The following STXBP5 variants were observed in gnomAD, a reference collection of about 807,000 sequenced individuals.
STXBP5 encodes the protein syntaxin binding protein 5, also known as syntaxin-binding protein 5.
STXBP5 carries 50 observed loss-of-function variants against 152.4 expected under a neutral mutation model. That is an observed-to-expected ratio of 0.33 (90% confidence interval 0.26 to 0.42). The LOEUF is 0.42. Among genes scored for constraint, STXBP5 ranks in the 10% least tolerant of loss-of-function variants. The pLI is 1.00. For synonymous variants in STXBP5, 492 were observed against 494.7 expected (o/e 0.99, Z 0.07); for missense variants, 1,167 against 1,388.6 (o/e 0.84, Z 2.54).
chr6:147,260,477 C>T (rs1410943209), intron 4 of STXBP5, 138 bp from the exon 5 acceptor site: 1 of 936,136 alleles, frequency 1.1e-6, no homozygotes. Context: ...AAATATTAGT[C>T]ACAATGAATA....
chr6:147,269,493 A>G (rs554858159), intron 7 of STXBP5, among the ~76,000 whole-genome samples: 4 of 152,336 alleles, frequency 2.6e-5, no homozygotes, highest in Non-Finnish European at 2.9e-5. Context: ...GAAGTATGCA[A>G]AAAGCCAGGA....
intron 4 of STXBP5, among the ~76,000 whole-genome samples, chr6:147,258,336 G>T (rs1172964118): frequency 1.3e-5 from 2 of 152,118 alleles, no homozygotes; most frequent in African/African-American, 4.8e-5. Context: ...ATTTCTTGTG[G>T]ATTACTTTCT....
intron 26 of STXBP5, among the ~76,000 whole-genome samples, chr6:147,381,090 C>T (rs1232232435): frequency 6.6e-6 from 1 of 152,092 alleles, no homozygotes; most frequent in East Asian, 1.9e-4. Context: ...GACTTACTCT[C>T]ATGAGAACAG....
At chr6:147,254,677 A>G (rs1415083641) in intron 4 of STXBP5, among the ~76,000 whole-genome samples, 1 of 152,250 alleles carries the variant, frequency 6.6e-6, no homozygotes, top group Non-Finnish European at 1.5e-5. Flanking sequence ...GACACTTCTC[A>G]AATGAAGACA....
chr6:147,344,650 T>C (rs1375304765), intron 21 of STXBP5, among the ~76,000 whole-genome samples: 2 of 152,210 alleles, frequency 1.3e-5, no homozygotes, highest in African/African-American at 4.8e-5. Context: ...CTTCTTCTTA[T>C]AAGAACCAAT....
chr6:147,366,013 AAAG>A (rs1415010712), intron 25 of STXBP5, among the ~76,000 whole-genome samples: 1 of 152,214 alleles, frequency 6.6e-6, no homozygotes, highest in African/African-American at 2.4e-5. Flanking sequence ...GATAGGAATC[AAAG>A]AAGGTGTCCC....
In STXBP5 at chr6:147,298,748, C is replaced by T. The variant is rs78353864; in HGVS notation, c.917+7576C>T. Among the ~76,000 whole-genome samples, 1,326 of 151,920 alleles carry T rather than the reference C, an allele frequency of 8.7e-3. 16 individuals are homozygous for T. Among genetic ancestry groups the T allele is most frequent in the African/African-American group, 0.028 (1,152 of 41,466 alleles). On this transcript the variant is annotated intron_variant, in intron 9 of 27. Transcript: ENST00000321680. ...TGAATAGCCAATGAGTCAATAAAGA[C>T]GTTGAAAATGGAAAATAAATGATTC...
intron 19 of STXBP5, among the ~76,000 whole-genome samples, chr6:147,337,859 T>C (rs1343763183): frequency 6.6e-6 from 1 of 152,032 alleles, no homozygotes; most frequent in African/African-American, 2.4e-5. Context: ...AGAAATAACA[T>C]GGACTTTAAA....
chr6:147,213,512 A>G (rs1031298004), intron 2 of STXBP5, among the ~76,000 whole-genome samples: 3 of 122,596 alleles, frequency 2.4e-5, no homozygotes, highest in African/African-American at 9.4e-5. Flanking sequence ...TTTTTCTTTT[A>G]TTTTTTTCTT....
chr6:147,254,614 C>T (rs1320101014), intron 4 of STXBP5, among the ~76,000 whole-genome samples: 2 of 152,144 alleles, frequency 1.3e-5, no homozygotes, highest in East Asian at 1.9e-4. Flanking sequence ...ACAACCCCAT[C>T]AAAAAGTGGG....
intron 4 of STXBP5, among the ~76,000 whole-genome samples, chr6:147,258,804 T>TATAA (rs1458578485): frequency 6.6e-6 from 1 of 152,086 alleles, no homozygotes; most frequent in Admixed American, 6.5e-5. Context: ...AAATGTATTA[T>TATAA]ATAAAATCTT....
At chr6:147,305,009 T>TC (rs1302939442) in intron 9 of STXBP5, among the ~76,000 whole-genome samples, 1 of 151,514 alleles carries the variant, frequency 6.6e-6, no homozygotes, top group East Asian at 1.9e-4. Flanking sequence ...ATCCTCACAT[T>TC]CCCCCCACAA....
intron 2 of STXBP5, among the ~76,000 whole-genome samples, chr6:147,209,380 A>AT (rs983508742): frequency 3.3e-5 from 5 of 152,216 alleles, no homozygotes; most frequent in Admixed American, 1.3e-4. Context: ...TTACAAAGTG[A>AT]TTTTTTTACC....
intron 2 of STXBP5, among the ~76,000 whole-genome samples, chr6:147,213,844 G>C (rs1285521026): frequency 6.6e-6 from 1 of 152,060 alleles, no homozygotes; most frequent in Non-Finnish European, 1.5e-5. Flanking sequence ...TTGATATAAA[G>C]AAAAGGGCAT....
At chr6:147,302,037 T>A (rs1259991143) in intron 9 of STXBP5, among the ~76,000 whole-genome samples, 2 of 152,226 alleles carry the variant, frequency 1.3e-5, no homozygotes, top group African/African-American at 2.4e-5. Context: ...TGTGTAAGTA[T>A]ATGCCCAAGA....
At chr6:147,213,434 ATGTGTGTG>A (rs1159372834) in intron 2 of STXBP5, among the ~76,000 whole-genome samples, 372 of 85,588 alleles carry the variant, frequency 4.3e-3, no homozygotes, top group Non-Finnish European at 6.3e-3. Flanking sequence ...AATTTTATAT[ATGTGTGTG>A]TGTGTGTGTG....
chr6:147,368,649 A>T lies in STXBP5; in HGVS notation c.3081+4483A>T, dbSNP rs577756877. On this transcript the variant is annotated intron_variant, in intron 25 of 27. Transcript: ENST00000321680. ...GCACTCAGGCAAGGAAAAGAAAAGG[A>T]AAGCGGCTGTCTTTATTCACAATGA... 6.6e-5 allele frequency among the ~76,000 whole-genome samples: 10 copies of T among 152,296 alleles called. No individual in the cohort carries two copies. The South Asian group carries it at 2.1e-3, about 32-fold the overall frequency.
rs574684090 is a variant in STXBP5, at chr6:147,305,017, C to A, written c.918-5067C>A. Among the ~76,000 whole-genome samples the A allele has an allele frequency of 2.2e-3, 329 of 152,298 alleles. 2 individuals are homozygous for A. The highest frequency in any genetic ancestry group is 7.3e-3 in the African/African-American group (303 of 41,576). On this transcript the variant is annotated intron_variant, in intron 9 of 27. Coordinates refer to ENST00000321680, the MANE Select transcript of STXBP5 (RefSeq NM_001127715.4). ...CAATAGCATCCTCACATTCCCCCCACAAACCCAGTGATAGAGTAAGTCAAG... is the reference window on the plus strand; with the variant it reads ...CAATAGCATCCTCACATTCCCCCCAAAAACCCAGTGATAGAGTAAGTCAAG...
intron 12 of STXBP5, 54 bp from the exon 13 acceptor site, chr6:147,314,210 C>T (rs1458963806): frequency 3.5e-5 from 50 of 1,448,864 alleles, no homozygotes; most frequent in African/African-American, 7.0e-5. Flanking sequence ...CACACACACA[C>T]GGAGGTATGT....
Sources: allele counts gnomAD v4.1 joint callset (sites outside exome capture counted in the v4.1 genomes callset), GRCh38; gene constraint gnomAD v4.1.1; transcripts MANE v1.5; gene names NCBI Gene and HGNC (gene_info 2026-07-23, HGNC 2026-07-21).